Variants in PCTP observed in about 807,000 individuals in gnomAD.
PCTP encodes START domain-containing protein 2.
PCTP carries 27 observed loss-of-function variants against 31.0 expected under a neutral mutation model. The ratio of observed to expected loss-of-function variants is 0.87; its 90% CI spans 0.64 to 1.20. The LOEUF (loss-of-function observed/expected upper bound fraction) is 1.20. Ranked by LOEUF, PCTP falls within the 50% of genes most tolerant of loss-of-function variation. The pLI, the probability that PCTP is intolerant of heterozygous loss-of-function variation, is 0.00. For missense variants in PCTP, 287 were observed against 268.2 expected (o/e 1.07, Z -0.49); for synonymous variants, 108 against 101.2 (o/e 1.07, Z -0.40).
At chr17:55,794,261 A>G (rs1912107743) in intron 3 of PCTP, among the ~76,000 whole-genome samples, 2 of 152,012 alleles carry the variant, frequency 1.3e-5, no homozygotes, top group South Asian at 4.1e-4. Flanking sequence ...TGGTGGTTTT[A>G]TGTTATTTAA....
intron 3 of PCTP, among the ~76,000 whole-genome samples, chr17:55,795,606 A>G (rs751422047): frequency 6.6e-6 from 1 of 152,098 alleles, no homozygotes; most frequent in African/African-American, 2.4e-5. Context: ...CATAAAAGCT[A>G]CTTAAAGAGG....
At chr17:55,780,022 A>C (rs1911503728), downstream of PCTP, among the ~76,000 whole-genome samples, 1 of 152,180 alleles carries the variant, frequency 6.6e-6, no homozygotes, top group Non-Finnish European at 1.5e-5. Context: ...GAAAGGCAAA[A>C]AAATGTAAGC....
At chr17:55,833,800 C>G (rs2145083222) in intron 5 of PCTP, among the ~76,000 whole-genome samples, 1 of 152,296 alleles carries the variant, frequency 6.6e-6, no homozygotes, top group South Asian at 2.1e-4. Context: ...AAAGACCTTG[C>G]CTCCTGCCTT....
chr17:55,789,310 A>G (rs745730717), intron 3 of PCTP, among the ~76,000 whole-genome samples: 69 of 152,296 alleles, frequency 4.5e-4, no homozygotes, highest in Non-Finnish European at 8.5e-4. Flanking sequence ...GTGTTATTGG[A>G]TAGTTTTGTT....
chr17:55,776,852 A>G lies in PCTP; in HGVS notation c.*752A>G. ...TCTTTTCCATATGTCACTGGGGGAA[A>G]GGCTGCCTGTACCTCTCAAGCTTTG... On this transcript the variant is annotated 3_prime_UTR_variant, in exon 6 of 6. Transcript: ENST00000268896. 1 of 1,003,806 alleles carries G rather than the reference A, an allele frequency of 1.0e-6. No individual in the cohort carries two copies. Among genetic ancestry groups the G allele is most frequent in the Non-Finnish European group, 1.2e-6 (1 of 842,586 alleles). The allele number at this position is 1,003,806 out of a possible 1,614,324, so 62.2% of individuals were successfully genotyped here.
chr17:55,802,914 A>G (rs567296434), intron 3 of PCTP, among the ~76,000 whole-genome samples: 1 of 152,340 alleles, frequency 6.6e-6, no homozygotes, highest in East Asian at 1.9e-4. Context: ...ATAGGAAGTC[A>G]AATTGTCTCT....
chr17:55,823,823 C>G (rs571374727), downstream of PCTP, among the ~76,000 whole-genome samples: 2 of 152,366 alleles, frequency 1.3e-5, no homozygotes, highest in East Asian at 3.9e-4. Flanking sequence ...GTATCCCTAG[C>G]TGGTCACAGC....
rs894945909 is a variant in PCTP at position 55,812,595 on chromosome 17, T to C, written c.318-10166T>C. Among the ~76,000 whole-genome samples, 49 of 152,280 alleles carry C rather than the reference T, an allele frequency of 3.2e-4. 2 individuals are homozygous for C. Among genetic ancestry groups the C allele is most frequent in the African/African-American group, 1.2e-3 (49 of 41,564 alleles). On this transcript the variant is annotated intron_variant, in intron 3 of 3. Transcript: ENST00000572536. ...AAAAATTAATCAGACTGTCAACATT[T>C]CCAGTGGAGCCCATTCAGCCAAAGT... is the stretch of plus-strand genomic sequence containing the variant.
At chr17:55,795,326 A>G (rs1912149615) in intron 3 of PCTP, among the ~76,000 whole-genome samples, 1 of 152,002 alleles carries the variant, frequency 6.6e-6, no homozygotes, top group Non-Finnish European at 1.5e-5. Context: ...AACGAGAAAA[A>G]TACTTGAGTA....
At position 55,777,360 on chromosome 17, in the gene PCTP, A is replaced by G. The variant is rs115562564; in HGVS notation, c.*1260A>G. 913 of 984,968 alleles carry G rather than the reference A, an allele frequency of 9.3e-4. 3 individuals are homozygous for G. In the African/African-American group the frequency reaches 0.011, roughly 11 times the overall value. 61.0% of individuals were successfully genotyped at this position (984,968 alleles called of 1,614,324 possible). A position where few individuals can be genotyped will look rare whatever the true frequency, so the allele number is the denominator to read the frequency against. On this transcript the variant is annotated 3_prime_UTR_variant, in exon 6 of 6. Coordinates refer to ENST00000268896, the MANE Select transcript of PCTP (RefSeq NM_021213.4). Reference sequence around the variant, plus strand: ...AAAGTGTGTTCTATAATGAATAAATATAGAGTGGTTTTTACTTGTCCTGTG... The same window carrying G: ...AAAGTGTGTTCTATAATGAATAAATGTAGAGTGGTTTTTACTTGTCCTGTG...
intron 1 of PCTP, among the ~76,000 whole-genome samples, chr17:55,752,715 T>C (rs1474037105): frequency 1.3e-5 from 2 of 152,208 alleles, no homozygotes; most frequent in African/African-American, 4.8e-5. Context: ...TTACTTTTTT[T>C]CTGTATACAG....
intron 1 of PCTP, chr17:55,751,624 A>C: frequency 2.8e-5 from 10 of 360,744 alleles, no homozygotes; most frequent in East Asian, 1.1e-4. Context: ...GGGGTGGGGG[A>C]GGGGCGGTAT....
rs555467389 is a variant in PCTP at position 55,796,807 on chromosome 17, TA to T, written c.317+9156del. Among the ~76,000 whole-genome samples, 755 of 151,970 alleles carry T rather than the reference TA, an allele frequency of 5.0e-3. 7 individuals are homozygous for T. The highest frequency in any genetic ancestry group is 0.017 in the African/African-American group (700 of 41,498). Reference sequence around the variant, plus strand: ...CATAATTAATTAAGATGGGGAAAAGTAAATCAACAGTGGTAAAGAGGAAAAA... The same window carrying T: ...CATAATTAATTAAGATGGGGAAAAGTAATCAACAGTGGTAAAGAGGAAAAA... On this transcript the variant is annotated intron_variant, in intron 3 of 3. Transcript: ENST00000572536.
In PCTP at chr17:55,776,068, A is replaced by G; in HGVS notation, c.613A>G (p.Arg205Gly). The change falls in exon 6 of 6, where the codon AGA becomes GGA. Residue 205 changes from arginine to glycine, a missense_variant. Physicochemically the swap from Arg to Gly is moderately radical, Grantham distance 125. Coordinates refer to ENST00000268896, the MANE Select transcript of PCTP (RefSeq NM_021213.4). ...TCCTAACTTCTTGAAAGACATGGCA[A>G]GAGCCTGTCAGAACTACCTCAAGAA... ...GVPNFLKDMARACQNYLKKT is the reference protein window; with the variant it reads ...GVPNFLKDMAGACQNYLKKT 6.2e-7 allele frequency: 1 copy of G among 1,614,100 alleles called. No individual in the cohort carries two copies. The highest frequency in any genetic ancestry group is 8.5e-7 in the Non-Finnish European group (1 of 1,179,978).
chr17:55,823,726 G>C (rs1905306430), downstream of PCTP, among the ~76,000 whole-genome samples: 1 of 152,182 alleles, frequency 6.6e-6, no homozygotes, highest in East Asian at 1.9e-4. Flanking sequence ...TGTCAAGAGA[G>C]CTCCTATGTG....
intron 3 of PCTP, among the ~76,000 whole-genome samples, chr17:55,792,780 T>C (rs544219435): frequency 5.3e-5 from 8 of 152,288 alleles, no homozygotes; most frequent in African/African-American, 1.9e-4. Flanking sequence ...TCACATGCAG[T>C]ATACCTTTTT....
chr17:55,845,692 C>T (rs946685766), downstream of PCTP, among the ~76,000 whole-genome samples: 6 of 152,160 alleles, frequency 3.9e-5, no homozygotes, highest in Non-Finnish European at 8.8e-5. Context: ...CTCCGCGCGG[C>T]GGGCCCTGCG....
chr17:55,778,316 TG>T (rs1356014194), downstream of PCTP, among the ~76,000 whole-genome samples: 1 of 152,148 alleles, frequency 6.6e-6, no homozygotes, highest in Admixed American at 6.5e-5. Context: ...ATGTATCACT[TG>T]GAATTTGTAA....
chr17:55,773,527 T>A, intron 3 of PCTP, 197 bp from the exon 4 acceptor site: 1 of 537,018 alleles, frequency 1.9e-6, no homozygotes, highest in Non-Finnish European at 3.4e-6. Context: ...TGCTCTTTGG[T>A]GAGAATACTA....
Sources: gnomAD v4.1 joint callset for allele counts (sites outside exome capture counted in the v4.1 genomes callset) on GRCh38, gnomAD v4.1.1 for gene constraint, MANE v1.5 for transcripts, NCBI Gene and HGNC (gene_info 2026-07-23, HGNC 2026-07-21) for gene names.